KCNIP4: variants seen among roughly 807,000 people sequenced by gnomAD.
KCNIP4 encodes Kv channel-interacting protein 4.
Under a neutral mutation model 34.0 loss-of-function variants are expected in KCNIP4, and 12 were observed. The observed-to-expected ratio is 0.35, with a 90% confidence interval of 0.23 to 0.57. KCNIP4 has a LOEUF of 0.57. Ranked by LOEUF, KCNIP4 falls within the 20% of genes least tolerant of loss-of-function variation. KCNIP4 has a pLI of 0.83. For synonymous variants in KCNIP4, 124 were observed against 102.2 expected, an observed-to-expected ratio of 1.21 and a Z score of -1.29; for missense variants, 238 against 311.7, an observed-to-expected ratio of 0.76 and a Z score of 1.78.
At chr4:21,546,370 C>T (rs146499861) in intron 1 of KCNIP4, among the ~76,000 whole-genome samples, 195 of 152,120 alleles carry the variant, frequency 1.3e-3, no homozygotes, top group African/African-American at 4.4e-3. Context: ...AAAAAGTTGA[C>T]TCTTCACAGG....
Position 20,752,055 on chromosome 4 carries a change from G to GTTT in KCNIP4, c.359-2326_359-2324dup, listed in dbSNP as rs33912651. 9.1e-3 allele frequency among the ~76,000 whole-genome samples: 1,103 copies of GTTT among 121,558 alleles called. 30 individuals are homozygous for GTTT. The highest frequency in any genetic ancestry group is 0.019 in the African/African-American group (595 of 31,942). 79.7% of individuals were successfully genotyped at this position (121,558 alleles called of 152,430 possible). A position where few individuals can be genotyped will look rare whatever the true frequency, so the allele number is the denominator to read the frequency against. On this transcript the variant is annotated intron_variant, in intron 4 of 8. Coordinates refer to ENST00000382152, the MANE Select transcript of KCNIP4 (RefSeq NM_025221.6). ...ACAATATCAGTATGTACTTCATAGA[G>GTTT]TTTTTTTTTTTTTTTTTTTTGAGAC...
At chr4:21,662,733 T>C (rs924325697) in intron 1 of KCNIP4, among the ~76,000 whole-genome samples, 1 of 152,168 alleles carries the variant, frequency 6.6e-6, no homozygotes, top group Non-Finnish European at 1.5e-5. Context: ...AACTAAAGTA[T>C]TAACCAAGAA....
At chr4:21,743,063 T>C (rs1228648782) in intron 1 of KCNIP4, among the ~76,000 whole-genome samples, 1 of 152,198 alleles carries the variant, frequency 6.6e-6, no homozygotes, top group East Asian at 1.9e-4. Flanking sequence ...TAATCAGTGG[T>C]CACCAAGATT....
chr4:20,985,556 T>C (rs1736491082), intron 1 of KCNIP4, among the ~76,000 whole-genome samples: 1 of 152,192 alleles, frequency 6.6e-6, no homozygotes, highest in African/African-American at 2.4e-5. Flanking sequence ...CAGGCTTTCA[T>C]TCATTCAGTT....
At chr4:21,311,630 A>C (rs978326254) in intron 1 of KCNIP4, among the ~76,000 whole-genome samples, 1 of 145,872 alleles carries the variant, frequency 6.9e-6, no homozygotes, top group Non-Finnish European at 1.5e-5. Context: ...TGGAGGTTGC[A>C]GTGAGCCGAG....
At chr4:21,458,059 T>C (rs77291556) in intron 1 of KCNIP4, among the ~76,000 whole-genome samples, 2 of 151,482 alleles carry the variant, frequency 1.3e-5, no homozygotes, top group Non-Finnish European at 2.9e-5. Context: ...TAGTTACATA[T>C]GTATACATGT....
intron 1 of KCNIP4, among the ~76,000 whole-genome samples, chr4:21,318,403 T>C (rs1210702990): frequency 6.6e-6 from 1 of 152,214 alleles, no homozygotes; most frequent in Non-Finnish European, 1.5e-5. Context: ...TTCTTGCTAC[T>C]CAAGGTAGAA....
chr4:21,868,622 G>A (rs934268550), intron 1 of KCNIP4, among the ~76,000 whole-genome samples: 1 of 151,966 alleles, frequency 6.6e-6, no homozygotes, highest in African/African-American at 2.4e-5. Flanking sequence ...CCAGTTAAAT[G>A]CTAACTATTG....
chr4:20,795,163 G>T (rs1363467451), intron 3 of KCNIP4, among the ~76,000 whole-genome samples: 1 of 152,062 alleles, frequency 6.6e-6, no homozygotes, highest in East Asian at 1.9e-4. Context: ...GAGAAAGTGG[G>T]ACTCTGAATT....
chr4:21,458,963 T>A (rs1729209358), intron 1 of KCNIP4, among the ~76,000 whole-genome samples: 1 of 151,994 alleles, frequency 6.6e-6, no homozygotes, highest in Non-Finnish European at 1.5e-5. Flanking sequence ...CAAGACTACA[T>A]CCCCTTTCAC....
intron 1 of KCNIP4, among the ~76,000 whole-genome samples, chr4:21,023,855 C>T (rs1363960220): frequency 1.3e-5 from 2 of 151,972 alleles, no homozygotes; most frequent in Non-Finnish European, 2.9e-5. Flanking sequence ...GCACTCCAGC[C>T]TGGGCAACCG....
chr4:21,396,367 C>A (rs1409409707), intron 1 of KCNIP4, among the ~76,000 whole-genome samples: 1 of 151,412 alleles, frequency 6.6e-6, no homozygotes, highest in Non-Finnish European at 1.5e-5. Flanking sequence ...ACCAGCCTGG[C>A]CAAGATGGTG....
At chr4:20,936,277 T>A (rs185116133) in intron 1 of KCNIP4, among the ~76,000 whole-genome samples, 5 of 152,294 alleles carry the variant, frequency 3.3e-5, no homozygotes, top group Non-Finnish European at 4.4e-5. Flanking sequence ...GCAGTTTCCA[T>A]CCTGGCAGAC....
intron 1 of KCNIP4, among the ~76,000 whole-genome samples, chr4:21,719,349 G>C (rs1714618964): frequency 6.6e-6 from 1 of 152,148 alleles, no homozygotes; most frequent in Admixed American, 6.6e-5. Context: ...TGCTGTTTCA[G>C]CTGCTGCTAA....
At chr4:21,433,734 T>A (rs1265991180) in intron 1 of KCNIP4, among the ~76,000 whole-genome samples, 1 of 152,210 alleles carries the variant, frequency 6.6e-6, no homozygotes, top group African/African-American at 2.4e-5. Flanking sequence ...GGGTTTATCC[T>A]CTGCTATAGC....
At chr4:21,737,936 C>CA (rs965435935) in intron 1 of KCNIP4, among the ~76,000 whole-genome samples, 2 of 150,204 alleles carry the variant, frequency 1.3e-5, no homozygotes, top group South Asian at 2.1e-4. Context: ...CACACACACA[C>CA]AAAAAAAATT....
intron 1 of KCNIP4, among the ~76,000 whole-genome samples, chr4:21,140,736 T>G (rs765997958): frequency 6.6e-6 from 1 of 152,192 alleles, no homozygotes; most frequent in Non-Finnish European, 1.5e-5. Flanking sequence ...CCTGACAAAG[T>G]GGACTACTCT....
At chr4:21,286,361 A>T (rs1019407828) in intron 1 of KCNIP4, among the ~76,000 whole-genome samples, 2 of 152,194 alleles carry the variant, frequency 1.3e-5, no homozygotes, top group Admixed American at 1.3e-4. Context: ...AACATGGCCA[A>T]ACATGTTATA....
intron 1 of KCNIP4, among the ~76,000 whole-genome samples, chr4:21,189,177 A>T (rs1577857522): frequency 6.6e-6 from 1 of 152,228 alleles, no homozygotes; most frequent in Non-Finnish European, 1.5e-5. Flanking sequence ...AATTGCTATT[A>T]TAATTATCAT....
Sources: allele counts gnomAD v4.1 joint callset (sites outside exome capture counted in the v4.1 genomes callset), GRCh38; gene constraint gnomAD v4.1.1; transcripts MANE v1.5; gene names NCBI Gene and HGNC (gene_info 2026-07-23, HGNC 2026-07-21).